CHIA: variants seen among roughly 807,000 people sequenced by gnomAD.
CHIA encodes chitinase acidic, also known as acidic mammalian chitinase.
A neutral mutation model predicts 53.5 loss-of-function variants in CHIA; 47 were observed. The observed-to-expected ratio is 0.88, with a 90% CI of 0.70 to 1.12. CHIA has a LOEUF of 1.12. Among genes scored for constraint, CHIA ranks in the 50% most tolerant of loss-of-function variants. CHIA has a pLI of 0.00. For synonymous variants in CHIA, 268 were observed against 222.2 expected (o/e 1.21, Z -1.83); for missense variants, 652 against 592.2 (o/e 1.10, Z -1.05).
At chr1:111,293,279 T>C (rs1661136914) in intron 1 of CHIA, among the ~76,000 whole-genome samples, 1 of 152,208 alleles carries the variant, frequency 6.6e-6, no homozygotes, top group Admixed American at 6.5e-5. Context: ...GCCATCCTAG[T>C]GGATATGAGG....
chr1:111,320,306 C>A lies in CHIA; in HGVS notation c.1271C>A (p.Ser424Ter). The A allele has an allele frequency of 6.2e-7, 1 of 1,614,028 alleles. No individual in the cohort carries two copies. Among genetic ancestry groups the A allele is most frequent in the South Asian group, 1.1e-5 (1 of 90,934 alleles). The stretch of plus-strand genomic sequence containing the variant: ...GGGAGTAGCAGCTCTGGAGGCAGCT[C>A]GGGAGGCAGTGGATTCTGTGCTGTC... ...GSGSSSSGGS[S>*]GGSGFCAVRA... The change falls in exon 12 of 12, where the codon TCG becomes TAG. Residue 424 changes from serine (S) to a stop codon, truncating the protein, a stop_gained. Coordinates refer to ENST00000369740, the MANE Select transcript of CHIA (RefSeq NM_201653.4). LOFTEE classifies it low-confidence loss of function (END_TRUNC).
chr1:111,314,457 A>C, intron 4 of CHIA, 83 bp from the exon 5 acceptor site: 2 of 928,336 alleles, frequency 2.2e-6, no homozygotes, highest in Non-Finnish European at 1.7e-6. Context: ...ATATCTGACC[A>C]GATCCAACAC....
At chr1:111,301,720 A>G (rs78346400) in intron 1 of CHIA, among the ~76,000 whole-genome samples, 41,490 of 150,162 alleles carry the variant, frequency 0.28, 6,152 homozygotes, top group East Asian at 0.35. Context: ...AAAAAAAAAA[A>G]AAAAAAGATG....
intron 6 of CHIA, 30 bp downstream of exon 6, chr1:111,315,465 A>T: frequency 6.3e-7 from 1 of 1,595,522 alleles, no homozygotes; most frequent in Non-Finnish European, 8.5e-7. Context: ...TCTTTAGCCC[A>T]AAAAGATTCA....
Position 111,318,590 on chromosome 1 carries a change from C to A in CHIA, c.827C>A (p.Pro276His), listed in dbSNP as rs371506503. The change falls in exon 9 of 12, where the codon CCC (proline) becomes CAC (histidine). Residue 276 changes from proline (P) to histidine (H), a missense_variant. Pro to His is a moderately conservative substitution (Grantham distance 77). Transcript: ENST00000369740. Reference protein sequence around the residue: ...TYGHNFILSNPSNTGIGAPTS... With the variant: ...TYGHNFILSNHSNTGIGAPTS... ...GGACACAACTTCATCCTGAGCAACC[C>A]CTCCAACACTGGAATTGGTGCCCCC... 6.2e-7 allele frequency: 1 copy of A among 1,614,208 alleles called. No individual in the cohort carries two copies. The highest frequency in any genetic ancestry group is 2.2e-5 in the East Asian group (1 of 44,878).
At chr1:111,315,592 C>A in intron 6 of CHIA, 157 bp downstream of exon 6, 1 of 718,334 alleles carries the variant, frequency 1.4e-6, no homozygotes, top group South Asian at 1.9e-5. Context: ...ATTAAACAAA[C>A]ATTTAATGGC....
chr1:111,307,166 C>T (rs532449204), intron 1 of CHIA, among the ~76,000 whole-genome samples: 1 of 152,192 alleles, frequency 6.6e-6, no homozygotes, highest in South Asian at 2.1e-4. Flanking sequence ...GCTTATATAG[C>T]AGCATGTAGA....
intron 9 of CHIA, 45 bp from the exon 10 acceptor site, chr1:111,319,075 A>G (rs1267963631): frequency 6.3e-7 from 1 of 1,575,728 alleles, no homozygotes; most frequent in Non-Finnish European, 8.6e-7. Context: ...TTTTTCTTTA[A>G]TGGGAGTAAC....
intron 3 of CHIA, 26 bp from the exon 4 acceptor site, chr1:111,312,164 T>C: frequency 6.3e-7 from 1 of 1,596,144 alleles, no homozygotes; most frequent in Non-Finnish European, 8.6e-7. Context: ...AACCAGGCCA[T>C]TGTCCCTCCT....
intron 1 of CHIA, among the ~76,000 whole-genome samples, chr1:111,295,821 G>A (rs980649830): frequency 6.6e-6 from 1 of 152,212 alleles, no homozygotes; most frequent in African/African-American, 2.4e-5. Context: ...GGAAGCCATG[G>A]CAGACTGTAC....
In CHIA at chr1:111,311,583, G is replaced by C; in HGVS notation, c.26-106G>C. 3.1e-6 allele frequency: 4 copies of C among 1,281,598 alleles called. No individual in the cohort carries two copies. The East Asian group carries it at 6.9e-5, about 22-fold the overall frequency. The allele number at this position is 1,281,598 out of a possible 1,614,324, so 79.4% of individuals were successfully genotyped here. A position where few individuals can be genotyped will look rare whatever the true frequency, so the allele number is the denominator to read the frequency against. ...TGGAATCACCACCAAATCTCACTGA[G>C]GTTGTAACAATTTATGGCAAATTGG... On this transcript the variant is annotated intron_variant, in intron 2 of 11. Coordinates refer to ENST00000369740, the MANE Select transcript of CHIA (RefSeq NM_201653.4).
chr1:111,318,503 T>C lies in CHIA; in HGVS notation c.740T>C (p.Met247Thr). ...SNAYLNVDYVMNYWKDNGAPA... is the reference protein window; with the variant it reads ...SNAYLNVDYVTNYWKDNGAPA... ...CCACTGACATTGCAGGATTATGTCATGAACTACTGGAAGGACAATGGAGCA... is the reference window on the plus strand; with the variant it reads ...CCACTGACATTGCAGGATTATGTCACGAACTACTGGAAGGACAATGGAGCA... The change falls in exon 9 of 12, where the codon ATG becomes ACG. Residue 247 changes from methionine to threonine, a missense_variant. Physicochemically the swap from Met to Thr is moderately conservative, Grantham distance 81 (BLOSUM62 -1). Transcript: ENST00000369740. The C allele has an allele frequency of 1.2e-6, 2 of 1,613,672 alleles. No homozygotes were observed. Among genetic ancestry groups the C allele is most frequent in the Non-Finnish European group, 1.7e-6 (2 of 1,179,722 alleles).
intron 4 of CHIA, among the ~76,000 whole-genome samples, chr1:111,313,430 G>T: frequency 6.6e-6 from 1 of 152,078 alleles, no homozygotes; most frequent in Admixed American, 6.5e-5. Flanking sequence ...TACACTTGTT[G>T]ACCATTGGTA....
chr1:111,317,591 G>A, intron 6 of CHIA, 90 bp from the exon 7 acceptor site: 3 of 1,418,498 alleles, frequency 2.1e-6, no homozygotes, highest in Non-Finnish European at 3.0e-6. Flanking sequence ...TTAAGAGAGA[G>A]AAGCATTATA....
intron 1 of CHIA, among the ~76,000 whole-genome samples, chr1:111,309,696 G>T (rs531015603): frequency 1.4e-4 from 22 of 152,338 alleles, no homozygotes; most frequent in Non-Finnish European, 3.2e-4. Flanking sequence ...GGAAGGGGTA[G>T]ATTGGAGTTA....
intron 6 of CHIA, 85 bp from the exon 7 acceptor site, chr1:111,317,596 A>T (rs992321403): frequency 6.8e-7 from 1 of 1,463,126 alleles, no homozygotes; most frequent in Non-Finnish European, 9.5e-7. Flanking sequence ...AGAGAGAAGC[A>T]TTATACAGAC....
chr1:111,297,509 A>G (rs1647269187), intron 1 of CHIA, among the ~76,000 whole-genome samples: 1 of 152,178 alleles, frequency 6.6e-6, no homozygotes, highest in Non-Finnish European at 1.5e-5. Flanking sequence ...AAAATCCTTC[A>G]CAGACAAGCA....
At chr1:111,312,658 C>T (rs1186198812) in intron 4 of CHIA, among the ~76,000 whole-genome samples, 1 of 152,172 alleles carries the variant, frequency 6.6e-6, no homozygotes, top group African/African-American at 2.4e-5. Context: ...GGTGAGAACA[C>T]TTAAAATGTA....
Position 111,319,459 on chromosome 1 carries a change from C to T in CHIA, c.1168C>T (p.Gln390Ter). The T allele has an allele frequency of 6.2e-7, 1 of 1,613,780 alleles. No individual in the cohort carries two copies. The highest frequency in any genetic ancestry group is 1.1e-5 in the South Asian group (1 of 91,056). Residue 390 changes from glutamine (Q) to a stop codon, truncating the protein, a stop_gained, in exon 11 of 12, where the codon CAG becomes TAG. Coordinates refer to ENST00000369740, the MANE Select transcript of CHIA (RefSeq NM_201653.4). LOFTEE classifies it low-confidence loss of function (END_TRUNC). Reference sequence around the variant, plus strand: ...CACCCTGAAGAAGGCCCTCGGCCTGCAGAGTGCAAGTAAGTGACTGAGGGG... The same window carrying T: ...CACCCTGAAGAAGGCCCTCGGCCTGTAGAGTGCAAGTAAGTGACTGAGGGG... ...ISTLKKALGL[Q>*]SASCTAPAQP...
Sources: gnomAD v4.1 joint callset for allele counts (sites outside exome capture counted in the v4.1 genomes callset) on GRCh38, gnomAD v4.1.1 for gene constraint, MANE v1.5 for transcripts, NCBI Gene and HGNC (gene_info 2026-07-23, HGNC 2026-07-21) for gene names.